Variants in SLC35F4 observed in about 807,000 individuals in gnomAD.
The protein encoded by SLC35F4 is chromosome 14 open reading frame 36.
Under a neutral mutation model 44.2 loss-of-function variants are expected in SLC35F4, and 24 were observed. The observed-to-expected ratio is 0.54, with a 90% CI of 0.39 to 0.76. The LOEUF (loss-of-function observed/expected upper bound fraction) is 0.76, where lower values mean the gene tolerates loss of function less well. SLC35F4 is among the 30% of genes least tolerant of loss of function. SLC35F4 has a pLI of 0.00. For synonymous variants in SLC35F4, 238 were observed against 223.6 expected (o/e 1.06, Z -0.57); for missense variants, 562 against 586.1 (o/e 0.96, Z 0.42).
At chr14:57,857,478 T>G (rs948406576) in intron 1 of SLC35F4, among the ~76,000 whole-genome samples, 2 of 152,086 alleles carry the variant, frequency 1.3e-5, no homozygotes, top group Non-Finnish European at 2.9e-5. Context: ...ACTACTACCA[T>G]CATGTACTCT....
At chr14:57,712,984 G>T (rs2075850455) in intron 1 of SLC35F4, among the ~76,000 whole-genome samples, 1 of 152,022 alleles carries the variant, frequency 6.6e-6, no homozygotes, top group South Asian at 2.1e-4. Flanking sequence ...AATGGCATTT[G>T]CACATATTCA....
intron 1 of SLC35F4, among the ~76,000 whole-genome samples, chr14:57,948,146 C>G (rs1399466010): frequency 6.6e-6 from 1 of 152,146 alleles, no homozygotes; most frequent in East Asian, 1.9e-4. Context: ...TAAAATTCAA[C>G]TGTGAATCCA....
intron 1 of SLC35F4, among the ~76,000 whole-genome samples, chr14:57,730,339 TG>T (rs529432199): frequency 1.6e-4 from 24 of 152,302 alleles, no homozygotes; most frequent in African/African-American, 5.8e-4. Context: ...CCATTCTAAC[TG>T]GGGTGAGATG....
At chr14:57,659,174 G>A (rs989511254) in intron 1 of SLC35F4, among the ~76,000 whole-genome samples, 5 of 152,168 alleles carry the variant, frequency 3.3e-5, no homozygotes, top group Non-Finnish European at 7.3e-5. Context: ...AAATGAGGAA[G>A]AAAGGTATGC....
chr14:57,828,480 A>C (rs1186179373), intron 1 of SLC35F4, among the ~76,000 whole-genome samples: 1 of 152,226 alleles, frequency 6.6e-6, no homozygotes, highest in Non-Finnish European at 1.5e-5. Flanking sequence ...TTAAAAATTC[A>C]GGCAATGGGT....
At chr14:57,975,916 G>A (rs148401219), downstream of SLC35F4, among the ~76,000 whole-genome samples, 124 of 152,330 alleles carry the variant, frequency 8.1e-4, 1 homozygote, top group East Asian at 0.02. Context: ...AAGACTTATA[G>A]TGGCAACAGG....
chr14:57,783,954 T>C (rs544745944), intron 1 of SLC35F4, among the ~76,000 whole-genome samples: 7 of 152,330 alleles, frequency 4.6e-5, no homozygotes, highest in Admixed American at 3.9e-4. Flanking sequence ...GTCGTTGATA[T>C]AGAAAAAGTT....
At chr14:57,769,523 A>G (rs2077311274) in intron 1 of SLC35F4, among the ~76,000 whole-genome samples, 1 of 152,208 alleles carries the variant, frequency 6.6e-6, no homozygotes, top group Non-Finnish European at 1.5e-5. Flanking sequence ...CCATCATCTT[A>G]ACTATTTATT....
intron 1 of SLC35F4, among the ~76,000 whole-genome samples, chr14:57,940,649 C>A (rs898295457): frequency 1.3e-5 from 2 of 152,124 alleles, no homozygotes; most frequent in Non-Finnish European, 2.9e-5. Flanking sequence ...CCTAATTTTG[C>A]CATCATTCAA....
At chr14:57,946,273 C>T (rs1890023857) in intron 1 of SLC35F4, among the ~76,000 whole-genome samples, 1 of 151,882 alleles carries the variant, frequency 6.6e-6, no homozygotes, top group African/African-American at 2.4e-5. Context: ...TAGATGTATG[C>T]CTTTGATCCA....
At chr14:57,823,891 T>C (rs1258025240) in intron 1 of SLC35F4, among the ~76,000 whole-genome samples, 1 of 152,194 alleles carries the variant, frequency 6.6e-6, no homozygotes, top group Non-Finnish European at 1.5e-5. Flanking sequence ...ACCTTTCAGA[T>C]GAATAATGCA....
intron 1 of SLC35F4, among the ~76,000 whole-genome samples, chr14:57,645,209 G>A (rs1166815721): frequency 2.6e-5 from 4 of 152,072 alleles, no homozygotes; most frequent in African/African-American, 9.7e-5. Flanking sequence ...AATTACCTTG[G>A]GCAGTATGGC....
At chr14:57,963,435 C>A (rs1216538034) in intron 1 of SLC35F4, among the ~76,000 whole-genome samples, 1 of 152,170 alleles carries the variant, frequency 6.6e-6, no homozygotes, top group Non-Finnish European at 1.5e-5. Flanking sequence ...CCCAGCAGCC[C>A]CTGGGGCTGG....
At chr14:57,845,989 T>G (rs1885989058) in intron 1 of SLC35F4, among the ~76,000 whole-genome samples, 1 of 152,174 alleles carries the variant, frequency 6.6e-6, no homozygotes, top group Non-Finnish European at 1.5e-5. Flanking sequence ...ATAAGGCCAT[T>G]GAAGACAGCT....
At chr14:57,576,564 T>A (rs1219761806) in intron 4 of SLC35F4, among the ~76,000 whole-genome samples, 2 of 152,206 alleles carry the variant, frequency 1.3e-5, no homozygotes, top group Admixed American at 1.3e-4. Flanking sequence ...CTGCATATGT[T>A]ATATTTAAGG....
chr14:57,713,705 G>A (rs184550573), intron 1 of SLC35F4, among the ~76,000 whole-genome samples: 115 of 152,294 alleles, frequency 7.6e-4, no homozygotes, highest in African/African-American at 2.7e-3. Flanking sequence ...CTTTGCCAGA[G>A]TCTAGCCTGG....
At chr14:57,765,228 T>A (rs1346594669) in intron 1 of SLC35F4, among the ~76,000 whole-genome samples, 1 of 152,212 alleles carries the variant, frequency 6.6e-6, no homozygotes, top group African/African-American at 2.4e-5. Flanking sequence ...TTTGAAAGGC[T>A]AAAGGGCAAG....
intron 1 of SLC35F4, among the ~76,000 whole-genome samples, chr14:57,722,398 C>T (rs2076106537): frequency 6.6e-6 from 1 of 152,154 alleles, no homozygotes. Flanking sequence ...CACTTTAGAC[C>T]TACTCATCCC....
intron 1 of SLC35F4, among the ~76,000 whole-genome samples, chr14:57,744,112 C>A (rs1168794705): frequency 6.6e-6 from 1 of 152,148 alleles, no homozygotes; most frequent in Non-Finnish European, 1.5e-5. Context: ...AAACCCACAG[C>A]CAATATCATA....
Sources: gnomAD v4.1 joint callset for allele counts (sites outside exome capture counted in the v4.1 genomes callset) on GRCh38, gnomAD v4.1.1 for gene constraint, MANE v1.5 for transcripts, NCBI Gene and HGNC (gene_info 2026-07-23, HGNC 2026-07-21) for gene names.